Variants in TCF3 observed in about 807,000 individuals in gnomAD.
TCF3 encodes the protein transcription factor 3.
Under a neutral mutation model 72.3 loss-of-function variants are expected in TCF3, and 54 were observed. That is an observed-to-expected ratio of 0.75 (90% CI 0.60 to 0.94). TCF3 has a LOEUF of 0.94. Among genes scored for constraint, TCF3 ranks in the 40% least tolerant of loss-of-function variants. TCF3 has a pLI of 0.00. For missense variants in TCF3, 1,078 were observed against 934.4 expected (o/e 1.15, Z -2.00); for synonymous variants, 525 against 412.6 (o/e 1.27, Z -3.30).
Position 1,619,484 on chromosome 19 carries a change from G to T in TCF3, c.1168-10C>A. 1 of 1,566,314 alleles carries T rather than the reference G, an allele frequency of 6.4e-7. No homozygotes were observed. Among genetic ancestry groups the T allele is most frequent in the Non-Finnish European group, 8.6e-7 (1 of 1,158,642 alleles). On this transcript the variant is annotated splice_polypyrimidine_tract_variant and intron_variant, in intron 14 of 18. Coordinates refer to ENST00000262965, the MANE Select transcript of TCF3 (RefSeq NM_003200.5). ...CTTCTATCTTACTCTGCTGCAGGGT[G>T]GGGGGATGGGTGGTGAGGGGCCCAA...
chr19:1,629,583 G>A (rs554317087), intron 5 of TCF3, among the ~76,000 whole-genome samples: 7 of 151,684 alleles, frequency 4.6e-5, no homozygotes, highest in East Asian at 2.0e-4. Context: ...ACAGCCTGCC[G>A]GGGCGAGCCC....
intron 1 of TCF3, among the ~76,000 whole-genome samples, chr19:1,652,054 A>C (rs1332534130): frequency 4.7e-5 from 7 of 147,654 alleles, no homozygotes; most frequent in Non-Finnish European, 7.5e-5. Context: ...AAGTTTCCCG[A>C]AGTGCCCGGC....
At chr19:1,649,479 A>G (rs2066662285) in intron 2 of TCF3, among the ~76,000 whole-genome samples, 2 of 152,098 alleles carry the variant, frequency 1.3e-5, no homozygotes, top group South Asian at 2.1e-4. Flanking sequence ...GCGCAATCAC[A>G]GCTCACTGCA....
chr19:1,613,083 G>A (rs1463180983), intron 18 of TCF3, among the ~76,000 whole-genome samples: 1 of 150,492 alleles, frequency 6.6e-6, no homozygotes, highest in Admixed American at 6.6e-5. Flanking sequence ...GTACATGGCT[G>A]GTGTGGGTGT....
In TCF3 at chr19:1,611,044, G is replaced by C. The variant is rs996351427; in HGVS notation, c.*663C>G. On this transcript the variant is annotated 3_prime_UTR_variant, in exon 19 of 19. Coordinates refer to ENST00000262965, the MANE Select transcript of TCF3 (RefSeq NM_003200.5). ...CTAGGAACAGCAGCAGAAATAGCGA[G>C]AGACACGGGACTTTTATACAAAAAA... The C allele has an allele frequency of 8.8e-6, 2 of 228,452 alleles. No homozygotes were observed. The highest frequency in any genetic ancestry group is 1.1e-4 in the Admixed American group (2 of 17,456). The allele number at this position is 228,452 out of a possible 1,614,324, so 14.2% of individuals were successfully genotyped here.
At chr19:1,635,881 G>A (rs748415335) in intron 3 of TCF3, among the ~76,000 whole-genome samples, 3 of 152,176 alleles carry the variant, frequency 2.0e-5, no homozygotes, top group Non-Finnish European at 4.4e-5. Context: ...AGCTCCTCAC[G>A]CAGGTTCCGT....
At position 1,642,321 on chromosome 19, in the gene TCF3, GAC is replaced by G. The variant is rs145416641; in HGVS notation, c.145+4032_145+4033del. ...AGACACACACCCGCACGCACACACA[GAC>G]ACACACACGTGCGTGTAAAGCCGGT... is the stretch of plus-strand genomic sequence containing the variant. On this transcript the variant is annotated intron_variant, in intron 3 of 18. Coordinates refer to ENST00000262965, the MANE Select transcript of TCF3 (RefSeq NM_003200.5). Among the ~76,000 whole-genome samples, 984 of 151,966 alleles carry G rather than the reference GAC, an allele frequency of 6.5e-3. 10 individuals are homozygous for G. Among genetic ancestry groups the G allele is most frequent in the African/African-American group, 0.023 (942 of 41,416 alleles).
At chr19:1,650,142 G>T (rs1335988415) in intron 2 of TCF3, 35 bp downstream of exon 2, 8 of 1,537,784 alleles carry the variant, frequency 5.2e-6, no homozygotes, top group Non-Finnish European at 5.3e-6. Flanking sequence ...TGGAGGCAAA[G>T]GGGTGTCGGG....
chr19:1,650,453 C>G, intron 1 of TCF3, 166 bp from the exon 2 acceptor site: 2 of 575,740 alleles, frequency 3.5e-6, no homozygotes, highest in South Asian at 2.2e-5. Context: ...TGGGAGCAGG[C>G]GCAGGGAAGC....
At position 1,621,148 on chromosome 19, in the gene TCF3, G is replaced by C. The variant is rs1198996682; in HGVS notation, c.999C>G (p.Gly333=). 3.2e-6 allele frequency: 5 copies of C among 1,541,392 alleles called. No homozygotes were observed. Among genetic ancestry groups the C allele is most frequent in the African/African-American group, 1.4e-5 (1 of 73,050 alleles). ...TTAGSSGDAL[G]KALASIYSPD... The stretch of plus-strand genomic sequence containing the variant: ...CACGCCTCACCGAGGCCAGTGCTTT[G>C]CCGAGGGCATCCCCGGAGCTGCCAG... The change falls in exon 12 of 19, where the codon GGC becomes GGG. Residue 333 remains glycine, a synonymous_variant. Transcript: ENST00000262965.
rs10413112 is a variant in TCF3 at position 1,644,127 on chromosome 19, C to G, written c.145+2228G>C. ...GTCCTCGGAGAGGAGAAGCAGGAAG[C>G]GGGGAAATGAGCTACTGCAGCTCCT... On this transcript the variant is annotated intron_variant, in intron 3 of 18. Coordinates refer to ENST00000262965, the MANE Select transcript of TCF3 (RefSeq NM_003200.5). Among the ~76,000 whole-genome samples, 563 of 152,350 alleles carry G rather than the reference C, an allele frequency of 3.7e-3. 4 individuals are homozygous for G. Among genetic ancestry groups the G allele is most frequent in the African/African-American group, 0.013 (528 of 41,576 alleles).
chr19:1,621,052 A>T lies in TCF3; in HGVS notation c.1015-6T>A, dbSNP rs370395175. 7 of 1,514,664 alleles carry T rather than the reference A, an allele frequency of 4.6e-6. No individual in the cohort carries two copies. The highest frequency in any genetic ancestry group is 6.2e-6 in the Non-Finnish European group (7 of 1,124,658). 93.8% of individuals were successfully genotyped at this position (1,514,664 alleles called of 1,614,324 possible). ...GAGTGATCCGGGGAGTAGATCTGCG[A>T]GGAGGACCAGGAGAGATGGGCGGTC... On this transcript the variant is annotated splice_region_variant and splice_polypyrimidine_tract_variant and intron_variant, in intron 12 of 18. Transcript: ENST00000262965.
Position 1,611,038 on chromosome 19 carries a change from T to C in TCF3, c.*669A>G, listed in dbSNP as rs1209196000. The C allele has an allele frequency of 2.3e-5, 5 of 221,750 alleles. No individual in the cohort carries two copies. Among genetic ancestry groups the C allele is most frequent in the South Asian group, 1.9e-4 (1 of 5,362 alleles). The allele number at this position is 221,750 out of a possible 1,614,324, so 13.7% of individuals were successfully genotyped here. A position where few individuals can be genotyped will look rare whatever the true frequency, so the allele number is the denominator to read the frequency against. The stretch of plus-strand genomic sequence containing the variant: ...CTCAGTCTAGGAACAGCAGCAGAAA[T>C]AGCGAGAGACACGGGACTTTTATAC... On this transcript the variant is annotated 3_prime_UTR_variant, in exon 19 of 19. Coordinates refer to ENST00000262965, the MANE Select transcript of TCF3 (RefSeq NM_003200.5).
At chr19:1,644,181 G>C (rs1283431456) in intron 3 of TCF3, among the ~76,000 whole-genome samples, 1 of 152,148 alleles carries the variant, frequency 6.6e-6, no homozygotes, top group African/African-American at 2.4e-5. Flanking sequence ...TCCGCCCCTC[G>C]CACCCATCGA....
At chr19:1,651,804 C>T (rs377727265) in intron 1 of TCF3, among the ~76,000 whole-genome samples, 12 of 151,844 alleles carry the variant, frequency 7.9e-5, no homozygotes, top group Non-Finnish European at 1.8e-4. Context: ...CGCGCGCCCC[C>T]CCCCGGCCCG....
At chr19:1,632,759 C>G (rs1460211706) in intron 3 of TCF3, among the ~76,000 whole-genome samples, 2 of 152,200 alleles carry the variant, frequency 1.3e-5, no homozygotes, top group East Asian at 3.9e-4. Context: ...TCCCTCTGGC[C>G]CAGCCCTGAC....
intron 16 of TCF3, 117 bp downstream of exon 16, chr19:1,618,994 C>G: frequency 6.6e-7 from 1 of 1,517,270 alleles, no homozygotes; most frequent in South Asian, 1.2e-5. Context: ...GCCCATGTCA[C>G]CAGGTGCCCC....
intron 5 of TCF3, 84 bp from the exon 6 acceptor site, chr19:1,627,510 T>A: frequency 7.9e-7 from 1 of 1,267,374 alleles, no homozygotes; most frequent in Non-Finnish European, 1.1e-6. Context: ...GTGCCTACAA[T>A]AGGCTCTCAG....
In TCF3 at chr19:1,619,243, G is replaced by A. The variant is rs985596540; in HGVS notation, c.1327-9C>T. ...GGGTGGCTGCCTCCAACCTGCAGGC[G>A]TGGGGAGACGGGTGCATCAGGGGGA... On this transcript the variant is annotated splice_polypyrimidine_tract_variant and intron_variant, in intron 15 of 18. Coordinates refer to ENST00000262965, the MANE Select transcript of TCF3 (RefSeq NM_003200.5). 10 of 1,587,702 alleles carry A rather than the reference G, an allele frequency of 6.3e-6. No individual in the cohort carries two copies. The highest frequency in any genetic ancestry group is 2.2e-5 in the East Asian group (1 of 44,724).
Sources: gnomAD v4.1 joint callset for allele counts (sites outside exome capture counted in the v4.1 genomes callset) on GRCh38, gnomAD v4.1.1 for gene constraint, MANE v1.5 for transcripts, NCBI Gene and HGNC (gene_info 2026-07-23, HGNC 2026-07-21) for gene names.